MAP3K1: variants seen among roughly 807,000 people sequenced by gnomAD.
The protein encoded by MAP3K1 is MAP/ERK kinase kinase 1.
MAP3K1 carries 36 observed loss-of-function variants against 144.2 expected under a neutral mutation model. The observed-to-expected ratio is 0.25, with a 90% CI of 0.19 to 0.33. The LOEUF is 0.33. Ranked by LOEUF, MAP3K1 falls within the 10% of genes least tolerant of loss-of-function variation. MAP3K1 has a pLI of 1.00. For synonymous variants in MAP3K1, 718 were observed against 688.7 expected (o/e 1.04, Z -0.67); for missense variants, 1,650 against 1,881.9 (o/e 0.88, Z 2.28).
At chr5:56,881,405 CAT>C (rs1435867732) in intron 13 of MAP3K1, 133 bp downstream of exon 13, 8 of 982,012 alleles carry the variant, frequency 8.1e-6, no homozygotes, top group Non-Finnish European at 7.8e-6. Context: ...ATTTGATTGA[CAT>C]ATGAAAACCC....
chr5:56,839,039 G>A (rs977719639), intron 1 of MAP3K1, among the ~76,000 whole-genome samples: 6 of 152,198 alleles, frequency 3.9e-5, no homozygotes. Flanking sequence ...AATAATATTA[G>A]TGCAGAGATT....
chr5:56,844,182 G>GT (rs1561174026), intron 1 of MAP3K1, among the ~76,000 whole-genome samples: 1,155 of 108,198 alleles, frequency 0.011, 8 homozygotes, highest in Non-Finnish European at 0.015. Context: ...TGTTTTTTTT[G>GT]GTTTTTTTTT....
chr5:56,816,470 C>A (rs1174054009), intron 1 of MAP3K1, among the ~76,000 whole-genome samples: 1 of 151,816 alleles, frequency 6.6e-6, no homozygotes, highest in Non-Finnish European at 1.5e-5. Flanking sequence ...GGGCGAGGCC[C>A]GAGCCTGAGG....
rs1745925870 is a variant in MAP3K1 at position 56,815,726 on chromosome 5, C to A, written c.153C>A (p.Gly51=). The A allele has an allele frequency of 1.5e-6, 2 of 1,338,000 alleles. No individual in the cohort carries two copies. Among genetic ancestry groups the A allele is most frequent in the South Asian group, 2.0e-5 (1 of 49,718 alleles). The allele number at this position is 1,338,000 out of a possible 1,614,324, so 82.9% of individuals were successfully genotyped here. A position where few individuals can be genotyped will look rare whatever the true frequency, so the allele number is the denominator to read the frequency against. The part of the protein sequence containing the change: ...AGLLREAGSG[G]RERADWRRRQ... ...TGCTGCGGGAGGCGGGCAGCGGGGG[C>A]CGCGAGCGGGCGGACTGGCGGCGGC... The change falls in exon 1 of 20, where the codon GGC becomes GGA. Residue 51 remains glycine, a synonymous_variant. Coordinates refer to ENST00000399503, the MANE Select transcript of MAP3K1 (RefSeq NM_005921.2).
chr5:56,884,509 T>C (rs1248575531), intron 15 of MAP3K1, among the ~76,000 whole-genome samples, 155 bp from the exon 16 acceptor site: 1 of 152,232 alleles, frequency 6.6e-6, no homozygotes, highest in African/African-American at 2.4e-5. Flanking sequence ...TCTTAGTGTT[T>C]AAAAGAGTTT....
intron 1 of MAP3K1, among the ~76,000 whole-genome samples, chr5:56,839,249 C>T (rs1429331152): frequency 1.3e-5 from 2 of 152,192 alleles, no homozygotes; most frequent in African/African-American, 2.4e-5. Context: ...GAGAATTTCG[C>T]ATAGTCATTA....
chr5:56,893,383 C>T lies in MAP3K1; in HGVS notation c.4390-148C>T, dbSNP rs76015875. ...TCCAGTGGATGAATTTTTTCATAGA[C>T]TTTTTGATAGCAGAAAATCCTCCCA... On this transcript the variant is annotated intron_variant, in intron 19 of 19. Transcript: ENST00000399503. 4,476 of 832,586 alleles carry T rather than the reference C, an allele frequency of 5.4e-3. 147 individuals carry two copies. In the African/African-American group the frequency reaches 0.066, roughly 12 times the overall value. The allele number at this position is 832,586 out of a possible 1,614,324, so 51.6% of individuals were successfully genotyped here.
At position 56,879,010 on chromosome 5, in the gene MAP3K1, C is replaced by A; in HGVS notation, c.1996C>A (p.Pro666Thr). ...ATTGAGAGCCATGCTGGTATATACT[C>A]CTTGCCACAGTTTAGCGGAAAGAAT... ...KTLRAMLVYT[P>T]CHSLAERIKL... is the part of the protein sequence containing the mutation. Residue 666 changes from proline to threonine, a missense_variant, in exon 11 of 20, where the codon CCT (proline) becomes ACT (threonine). Physicochemically the swap from Pro to Thr is conservative, Grantham distance 38. This residue lies in a region of MAP3K1 where 841 missense variants were observed against 886.5 expected (regional missense o/e 0.95). Coordinates refer to ENST00000399503, the MANE Select transcript of MAP3K1 (RefSeq NM_005921.2). 6.2e-7 allele frequency: 1 copy of A among 1,613,894 alleles called. No individual in the cohort carries two copies. The highest frequency in any genetic ancestry group is 1.1e-5 in the South Asian group (1 of 91,088).
In MAP3K1 at chr5:56,885,813, TTTTC is replaced by T. The variant is rs1325032526; in HGVS notation, c.3983-116_3983-113del. On this transcript the variant is annotated intron_variant, in intron 16 of 19. Transcript: ENST00000399503. Reference sequence around the variant, plus strand: ...CAGGAATATGTTAGTTTTGAAATGTTTTTCTTCTGTTTCAGATGTGAATGTGAGT... The same window carrying T: ...CAGGAATATGTTAGTTTTGAAATGTTTTCTGTTTCAGATGTGAATGTGAGT... 6 of 809,346 alleles carry T rather than the reference TTTTC, an allele frequency of 7.4e-6. No homozygotes were observed. The Admixed American group carries it at 1.3e-4, about 18-fold the overall frequency. 50.1% of individuals were successfully genotyped at this position (809,346 alleles called of 1,614,324 possible).
intron 1 of MAP3K1, among the ~76,000 whole-genome samples, chr5:56,848,343 T>C (rs1053604377): frequency 6.6e-6 from 1 of 152,220 alleles, no homozygotes; most frequent in African/African-American, 2.4e-5. Context: ...TAGAAGTTGT[T>C]AAGGGCTATG....
intron 1 of MAP3K1, among the ~76,000 whole-genome samples, chr5:56,838,042 T>C (rs1187271532): frequency 1.3e-5 from 2 of 152,232 alleles, no homozygotes; most frequent in Non-Finnish European, 2.9e-5. Context: ...TTTTTGCTTC[T>C]TCTGTATGCT....
At chr5:56,875,368 GTAGA>G in intron 10 of MAP3K1, 58 bp downstream of exon 10, 4 of 1,570,772 alleles carry the variant, frequency 2.5e-6, no homozygotes, top group East Asian at 2.2e-5. Flanking sequence ...TTGATGGTTC[GTAGA>G]TAGTGTTTTT....
rs77745390 is a variant in MAP3K1, at chr5:56,836,629, G to C, written c.483-19971G>C. Among the ~76,000 whole-genome samples the C allele has an allele frequency of 5.3e-3, 802 of 152,234 alleles. 6 individuals carry two copies. Among genetic ancestry groups the C allele is most frequent in the Middle Eastern group, 0.02 (6 of 294 alleles). On this transcript the variant is annotated intron_variant, in intron 1 of 19. Coordinates refer to ENST00000399503, the MANE Select transcript of MAP3K1 (RefSeq NM_005921.2). ...TGTTACTGTTTACATGAGGCTAGTT[G>C]TGTGGCACTCCCTAAACAGTTTATT...
chr5:56,858,817 T>C lies in MAP3K1; in HGVS notation c.634-898T>C, dbSNP rs77761489. On this transcript the variant is annotated intron_variant, in intron 2 of 19. Coordinates refer to ENST00000399503, the MANE Select transcript of MAP3K1 (RefSeq NM_005921.2). ...AGAATTTTAACTCAGCGTAGAAAGATGGGTAAATTTTCCTCATGTGAAGGT... is the reference window on the plus strand; with the variant it reads ...AGAATTTTAACTCAGCGTAGAAAGACGGGTAAATTTTCCTCATGTGAAGGT... Among the ~76,000 whole-genome samples the C allele has an allele frequency of 3.1e-4, 47 of 152,178 alleles. No homozygotes were observed. In the East Asian group the frequency reaches 8.7e-3, roughly 28 times the overall value.
chr5:56,821,635 G>C (rs373127916), intron 1 of MAP3K1, among the ~76,000 whole-genome samples: 12 of 152,024 alleles, frequency 7.9e-5, no homozygotes, highest in African/African-American at 2.9e-4. Flanking sequence ...GGGCTCAGGT[G>C]ATCTTTCCAC....
chr5:56,880,608 C>T (rs998925735), intron 11 of MAP3K1, 103 bp from the exon 12 acceptor site: 6 of 776,318 alleles, frequency 7.7e-6, no homozygotes, highest in Middle Eastern at 2.3e-4. Flanking sequence ...CTCCTGAAAA[C>T]ATTATTTCTC....
At chr5:56,836,437 G>A (rs556613730) in intron 1 of MAP3K1, among the ~76,000 whole-genome samples, 1 of 152,220 alleles carries the variant, frequency 6.6e-6, no homozygotes, top group South Asian at 2.1e-4. Context: ...AAAGTGATTA[G>A]TTTTTAGAGA....
chr5:56,842,833 A>T (rs1250491314), intron 1 of MAP3K1, among the ~76,000 whole-genome samples: 1 of 152,138 alleles, frequency 6.6e-6, no homozygotes, highest in Non-Finnish European at 1.5e-5. Flanking sequence ...TCCCCATTTT[A>T]TAGTGAGGAA....
chr5:56,855,503 A>G (rs1476837928), intron 1 of MAP3K1, among the ~76,000 whole-genome samples: 1 of 152,104 alleles, frequency 6.6e-6, no homozygotes, highest in Non-Finnish European at 1.5e-5. Flanking sequence ...TACTTTCCTC[A>G]CAGTCTTGAT....
Sources: gnomAD v4.1 joint callset for allele counts (sites outside exome capture counted in the v4.1 genomes callset) on GRCh38, gnomAD v4.1.1 for gene constraint, gnomAD v4.1.1 regional missense constraint, MANE v1.5 for transcripts, NCBI Gene and HGNC (gene_info 2026-07-23, HGNC 2026-07-21) for gene names.